The following UNC13B variants were observed in gnomAD, a reference collection of about 807,000 sequenced individuals.
UNC13B encodes the protein unc-13 homolog B.
In UNC13B, 144 loss-of-function variants were observed where a neutral mutation model predicts 211.0. The ratio of observed to expected loss-of-function variants is 0.68; its 90% confidence interval spans 0.60 to 0.78. The LOEUF (loss-of-function observed/expected upper bound fraction) is 0.78. UNC13B is among the 30% of genes least tolerant of loss of function. UNC13B has a pLI of 0.00. For missense variants in UNC13B, 1,777 were observed against 2,002.0 expected, an observed-to-expected ratio of 0.89 and a Z score of 2.14; for synonymous variants, 709 against 725.8, an observed-to-expected ratio of 0.98 and a Z score of 0.37.
rs960643080 is a variant in UNC13B, at chr9:35,352,659, T to G, written c.9415-14288T>G. ...GAGCAGCAAGGCCCTTGCTTTCTAC[T>G]CAAGAACAATTTATCAAAGGAAAGT... On this transcript the variant is annotated intron_variant, in intron 11 of 39. Coordinates refer to ENST00000635942, the MANE Select transcript of UNC13B (RefSeq NM_001371189.2). 2.4e-5 allele frequency: 30 copies of G among 1,231,896 alleles called. No individual in the cohort carries two copies. In the African/African-American group the frequency reaches 4.2e-4, roughly 17 times the overall value. The allele number at this position is 1,231,896 out of a possible 1,614,324, so 76.3% of individuals were successfully genotyped here.
chr9:35,173,538 C>A (rs1420335008), intron 1 of UNC13B, among the ~76,000 whole-genome samples: 1 of 151,818 alleles, frequency 6.6e-6, no homozygotes, highest in Non-Finnish European at 1.5e-5. Context: ...ATTCTTGTGC[C>A]TCAGCCTCGC....
At chr9:35,270,400 ATATATACACACATGTG>A (rs894810752) in intron 7 of UNC13B, among the ~76,000 whole-genome samples, 5 of 152,226 alleles carry the variant, frequency 3.3e-5, no homozygotes, top group South Asian at 2.1e-4. Flanking sequence ...ATATATACAC[ATATATACACACATGTG>A]TATATACACA....
intron 11 of UNC13B, chr9:35,353,363 C>T: frequency 1.6e-6 from 2 of 1,232,214 alleles, no homozygotes; most frequent in Non-Finnish European, 2.0e-6. Flanking sequence ...TCCTGAGGAC[C>T]TGGAAAGCAA....
intron 11 of UNC13B, among the ~76,000 whole-genome samples, chr9:35,348,181 T>TCAGTAG (rs1350707441): frequency 1.3e-5 from 2 of 152,184 alleles, no homozygotes; most frequent in African/African-American, 2.4e-5. Context: ...CTACACTGAA[T>TCAGTAG]CAGTAGCAGT....
intron 6 of UNC13B, among the ~76,000 whole-genome samples, chr9:35,254,900 G>A (rs1332610567): frequency 1.7e-4 from 18 of 105,616 alleles, no homozygotes; most frequent in East Asian, 2.5e-4. Flanking sequence ...TATAATATAC[G>A]TATATAATAT....
At chr9:35,388,546 G>T (rs1311481369) in intron 24 of UNC13B, among the ~76,000 whole-genome samples, 2 of 152,222 alleles carry the variant, frequency 1.3e-5, no homozygotes, top group Non-Finnish European at 2.9e-5. Context: ...GACAAGTCAT[G>T]TAACCTTGCT....
intron 11 of UNC13B, chr9:35,364,707 C>T: frequency 1.0e-6 from 1 of 1,004,360 alleles, no homozygotes. Flanking sequence ...TGAGCTTTGG[C>T]TCATGCAGTC....
At chr9:35,285,233 AG>A (rs1828723950) in intron 7 of UNC13B, among the ~76,000 whole-genome samples, 1 of 152,172 alleles carries the variant, frequency 6.6e-6, no homozygotes, top group Admixed American at 6.5e-5. Flanking sequence ...TTAGCACAGG[AG>A]TATTATTCTT....
At position 35,185,846 on chromosome 9, in the gene UNC13B, A is replaced by AC. The variant is rs1822329726; in HGVS notation, c.22+23541_22+23542insC. ...GGAGGGAGGATTTCTTGAGCTCTAG[A>AC]TGTAGAGACTGCAGTGAGCCGAGAT... On this transcript the variant is annotated intron_variant, in intron 1 of 39. Transcript: ENST00000635942. Among the ~76,000 whole-genome samples, 10 of 151,112 alleles carry AC rather than the reference A, an allele frequency of 6.6e-5. No homozygotes were observed. In the South Asian group the frequency reaches 1.9e-3, roughly 29 times the overall value.
chr9:35,336,265 CT>C (rs917643248), intron 11 of UNC13B, among the ~76,000 whole-genome samples: 171 of 152,012 alleles, frequency 1.1e-3, no homozygotes, highest in Non-Finnish European at 1.9e-3. Flanking sequence ...TACTTACCAT[CT>C]TTTTTTTCTC....
chr9:35,402,087 G>A, intron 37 of UNC13B: 1 of 1,356,496 alleles, frequency 7.4e-7, no homozygotes, highest in Non-Finnish European at 1.0e-6. Context: ...AACTCGTGCT[G>A]GGGGTGGGGG....
At chr9:35,225,877 C>T (rs1824809678) in intron 1 of UNC13B, among the ~76,000 whole-genome samples, 1 of 151,922 alleles carries the variant, frequency 6.6e-6, no homozygotes, top group African/African-American at 2.4e-5. Context: ...CCTTGGATCC[C>T]CGCGGTGACG....
chr9:35,188,248 A>G (rs1408516975), intron 1 of UNC13B, among the ~76,000 whole-genome samples: 2 of 152,234 alleles, frequency 1.3e-5, no homozygotes, highest in Admixed American at 6.5e-5. Context: ...AACACCTGTT[A>G]AAGTCCTGTA....
At chr9:35,213,018 C>A (rs1304278223) in intron 1 of UNC13B, among the ~76,000 whole-genome samples, 3 of 152,186 alleles carry the variant, frequency 2.0e-5, no homozygotes, top group Admixed American at 6.5e-5. Flanking sequence ...TAGTACCCAC[C>A]TTTTCTGGTG....
At chr9:35,170,545 T>G (rs987920803) in intron 1 of UNC13B, among the ~76,000 whole-genome samples, 1 of 152,006 alleles carries the variant, frequency 6.6e-6, no homozygotes, top group African/African-American at 2.4e-5. Context: ...CATGGCTCTC[T>G]GCAGCCTCGA....
chr9:35,202,384 G>A (rs1823358766), intron 1 of UNC13B, among the ~76,000 whole-genome samples: 1 of 152,178 alleles, frequency 6.6e-6, no homozygotes, highest in African/African-American at 2.4e-5. Flanking sequence ...TTCTTGGTGA[G>A]TTCAATTCCT....
chr9:35,341,371 A>C (rs1344020904), intron 11 of UNC13B, among the ~76,000 whole-genome samples: 3 of 152,230 alleles, frequency 2.0e-5, no homozygotes, highest in Non-Finnish European at 4.4e-5. Flanking sequence ...TTTTAACTGC[A>C]CTTGATCACT....
intron 1 of UNC13B, among the ~76,000 whole-genome samples, chr9:35,206,187 CCT>C (rs1245362321): frequency 6.6e-6 from 1 of 151,758 alleles, no homozygotes. Flanking sequence ...AGAGGGAGAC[CCT>C]GTCTCAAAAA....
At chr9:35,403,035 C>A in intron 37 of UNC13B, 132 bp from the exon 38 acceptor site, 1 of 675,006 alleles carries the variant, frequency 1.5e-6, no homozygotes, top group East Asian at 2.7e-5. Flanking sequence ...TTCCCTTCTC[C>A]TATTGCTTAC....
Sources: gnomAD v4.1 joint callset for allele counts (sites outside exome capture counted in the v4.1 genomes callset) on GRCh38, gnomAD v4.1.1 for gene constraint, MANE v1.5 for transcripts, NCBI Gene and HGNC (gene_info 2026-07-23, HGNC 2026-07-21) for gene names.